Variants in AP3B2 observed in about 807,000 individuals in gnomAD.
The protein encoded by AP3B2 is AP-3 complex subunit beta-2.
A neutral mutation model predicts 126.9 loss-of-function variants in AP3B2; 50 were observed. That is an observed-to-expected ratio of 0.39 (90% CI 0.31 to 0.50). The LOEUF is 0.50. Among genes scored for constraint, AP3B2 ranks in the 20% least tolerant of loss-of-function variants. The pLI, the probability that AP3B2 is intolerant of heterozygous loss-of-function variation, is 0.79. For synonymous variants in AP3B2, 541 were observed against 565.0 expected (o/e 0.96, Z 0.60); for missense variants, 1,177 against 1,426.4 (o/e 0.83, Z 2.82).
Position 82,680,069 on chromosome 15 carries a change from C to T in AP3B2, c.1110+106G>A, listed in dbSNP as rs996994666. 8.9e-6 allele frequency: 13 copies of T among 1,466,332 alleles called. No homozygotes were observed. Among genetic ancestry groups the T allele is most frequent in the Non-Finnish European group, 1.2e-5 (13 of 1,074,358 alleles). 90.8% of individuals were successfully genotyped at this position (1,466,332 alleles called of 1,614,324 possible). The stretch of plus-strand genomic sequence containing the variant: ...CCATCCTCTGCACAGCCAGGGTATT[C>T]CTCCATCTTCCCTTTCCCCGGCCCC... On this transcript the variant is annotated intron_variant, in intron 9 of 26. Transcript: ENST00000535359. This position sits in a 1 kb window ranked among gnomAD's most constrained non-coding sequence, Gnocchi z 6.1.
rs2047996742 is a variant in AP3B2, at chr15:82,663,638, G to A, written c.2437-18C>T. The A allele has an allele frequency of 6.2e-7, 1 of 1,613,870 alleles. No homozygotes were observed. Among genetic ancestry groups the A allele is most frequent in the African/African-American group, 1.3e-5 (1 of 75,056 alleles). On this transcript the variant is annotated intron_variant, in intron 20 of 26. Coordinates refer to ENST00000535359, the MANE Select transcript of AP3B2 (RefSeq NM_001278512.2). ...CTGGGAGGCTGAAAGAGAAAAATGGGATGTGGGTGTGGGGAAGGGGAGCAC... is the reference window on the plus strand; with the variant it reads ...CTGGGAGGCTGAAAGAGAAAAATGGAATGTGGGTGTGGGGAAGGGGAGCAC...
chr15:82,693,918 C>T (rs756675959), intron 1 of AP3B2, among the ~76,000 whole-genome samples: 4 of 152,124 alleles, frequency 2.6e-5, no homozygotes. Context: ...TCAGGCTGGT[C>T]TCAAACTCCC....
Position 82,681,734 on chromosome 15 carries a change from C to G in AP3B2, c.361-154G>C. ...TGGATGGTGTGCCAGTGATGGGTATCTGGGGGACACTTAATTTTGGCTCTG... is the reference window on the plus strand; with the variant it reads ...TGGATGGTGTGCCAGTGATGGGTATGTGGGGGACACTTAATTTTGGCTCTG... On this transcript the variant is annotated intron_variant, in intron 4 of 26. Coordinates refer to ENST00000535359, the MANE Select transcript of AP3B2 (RefSeq NM_001278512.2). This position sits in a 1 kb window ranked among gnomAD's most constrained non-coding sequence, Gnocchi z 4.0. 2.5e-6 allele frequency: 2 copies of G among 796,116 alleles called. No homozygotes were observed. Among genetic ancestry groups the G allele is most frequent in the Non-Finnish European group, 3.9e-6 (2 of 516,450 alleles). 49.3% of individuals were successfully genotyped at this position (796,116 alleles called of 1,614,324 possible). A position where few individuals can be genotyped will look rare whatever the true frequency, so the allele number is the denominator to read the frequency against.
At chr15:82,674,734 T>C (rs968445284) in intron 14 of AP3B2, among the ~76,000 whole-genome samples, 6 of 152,154 alleles carry the variant, frequency 3.9e-5, no homozygotes, top group African/African-American at 1.4e-4. Flanking sequence ...CAGTAACAAC[T>C]TGGGGGAAAT....
In AP3B2 at chr15:82,659,522, G is replaced by C; in HGVS notation, c.*38C>G. On this transcript the variant is annotated 3_prime_UTR_variant, in exon 27 of 27. Coordinates refer to ENST00000535359, the MANE Select transcript of AP3B2 (RefSeq NM_001278512.2). ...CTGACAGCCTAGGTGTCATGGGGAG[G>C]TATAGATGGGAGCCAAACAGGTCAC... The C allele has an allele frequency of 6.2e-7, 1 of 1,609,166 alleles. No homozygotes were observed. Among genetic ancestry groups the C allele is most frequent in the Non-Finnish European group, 8.5e-7 (1 of 1,176,980 alleles).
In AP3B2 at chr15:82,680,107, G is replaced by A. The variant is rs981347188; in HGVS notation, c.1110+68C>T. ...TTTCCCCGGCCCCGGTCCCAGCCCC[G>A]ACAACGCCTCCAGTGCCCGCAGAAG... is the stretch of plus-strand genomic sequence containing the variant. On this transcript the variant is annotated intron_variant, in intron 9 of 26. Transcript: ENST00000535359. This position sits in a 1 kb window ranked among gnomAD's most constrained non-coding sequence, Gnocchi z 6.1. 1.9e-6 allele frequency: 3 copies of A among 1,598,048 alleles called. No homozygotes were observed. Among genetic ancestry groups the A allele is most frequent in the African/African-American group, 1.3e-5 (1 of 74,780 alleles).
At chr15:82,663,357 G>T (rs2047990535) in intron 21 of AP3B2, 124 bp from the exon 22 acceptor site, 9 of 998,440 alleles carry the variant, frequency 9.0e-6, no homozygotes, top group Non-Finnish European at 1.1e-5. Flanking sequence ...CTGCCTGGAG[G>T]CTCTCGCAAA....
At chr15:82,674,910 T>C (rs940842795) in intron 14 of AP3B2, among the ~76,000 whole-genome samples, 1 of 152,062 alleles carries the variant, frequency 6.6e-6, no homozygotes, top group Non-Finnish European at 1.5e-5. Flanking sequence ...AAATGACATG[T>C]GGACAGGCCC....
In AP3B2 at chr15:82,659,449, A is replaced by C; in HGVS notation, c.*111T>G. ...AGGGAGAGAGGACACCCTGAATGCT[A>C]TCTGGCATGAGGAGGATGATGAGAG... is the stretch of plus-strand genomic sequence containing the variant. On this transcript the variant is annotated 3_prime_UTR_variant, in exon 27 of 27. Transcript: ENST00000535359. 2 of 1,424,210 alleles carry C rather than the reference A, an allele frequency of 1.4e-6. No homozygotes were observed. The highest frequency in any genetic ancestry group is 9.6e-7 in the Non-Finnish European group (1 of 1,038,870). The allele number at this position is 1,424,210 out of a possible 1,614,324, so 88.2% of individuals were successfully genotyped here.
At chr15:82,704,687 C>CT (rs1040535452) in intron 1 of AP3B2, among the ~76,000 whole-genome samples, 1 of 152,274 alleles carries the variant, frequency 6.6e-6, no homozygotes, top group Non-Finnish European at 1.5e-5. Context: ...GGCTGCCTGA[C>CT]TGACTCCTTC....
intron 11 of AP3B2, 86 bp downstream of exon 11, chr15:82,678,019 G>A (rs548744774): frequency 3.4e-6 from 5 of 1,486,028 alleles, no homozygotes; most frequent in Non-Finnish European, 4.6e-6. Flanking sequence ...CCAGCCTTGG[G>A]CTCATAAGAG....
Position 82,664,752 on chromosome 15 carries a change from C to A in AP3B2, c.2137+83G>T. On this transcript the variant is annotated intron_variant, in intron 18 of 26. Coordinates refer to ENST00000535359, the MANE Select transcript of AP3B2 (RefSeq NM_001278512.2). This position sits in a 1 kb window ranked among gnomAD's most constrained non-coding sequence, Gnocchi z 4.5. ...CAGGTGCACACCCCTAGACACACAA[C>A]CATATACATATACCCCTCATATAGT... The A allele has an allele frequency of 8.7e-7, 1 of 1,147,384 alleles. No homozygotes were observed. Among genetic ancestry groups the A allele is most frequent in the South Asian group, 1.4e-5 (1 of 69,638 alleles). 71.1% of individuals were successfully genotyped at this position (1,147,384 alleles called of 1,614,324 possible). A position where few individuals can be genotyped will look rare whatever the true frequency, so the allele number is the denominator to read the frequency against.
chr15:82,671,254 C>T (rs1367983605), intron 14 of AP3B2, among the ~76,000 whole-genome samples: 1 of 152,034 alleles, frequency 6.6e-6, no homozygotes, highest in African/African-American at 2.4e-5. Context: ...CTGCACACTC[C>T]AGCCTGGGTG....
chr15:82,676,020 C>A (rs945373111), intron 14 of AP3B2, among the ~76,000 whole-genome samples: 3 of 152,134 alleles, frequency 2.0e-5, no homozygotes, highest in African/African-American at 7.2e-5. Flanking sequence ...ACCAGCACCA[C>A]CCAAGCCCAA....
chr15:82,666,647 C>T, intron 15 of AP3B2, 100 bp downstream of exon 15: 2 of 1,348,758 alleles, frequency 1.5e-6, no homozygotes, highest in Non-Finnish European at 1.0e-6. Context: ...TCCACAGAAG[C>T]CTGGTGCCTG....
At chr15:82,694,704 G>T (rs1218254739) in intron 1 of AP3B2, among the ~76,000 whole-genome samples, 1 of 150,990 alleles carries the variant, frequency 6.6e-6, no homozygotes, top group African/African-American at 2.4e-5. Flanking sequence ...AAAAAAACAA[G>T]AAGTACTACA....
rs933491747 is a variant in AP3B2, at chr15:82,690,980, A to G, written c.114-1527T>C. Among the ~76,000 whole-genome samples the G allele has an allele frequency of 5.3e-5, 8 of 152,178 alleles. No homozygotes were observed. The East Asian group carries it at 1.5e-3, about 29-fold the overall frequency. The stretch of plus-strand genomic sequence containing the variant: ...CAGGCATGAGCCACCGCACCCAGCC[A>G]TGCCACATGTTCTTAATCCAGTCTA... On this transcript the variant is annotated intron_variant, in intron 1 of 26. Coordinates refer to ENST00000535359, the MANE Select transcript of AP3B2 (RefSeq NM_001278512.2).
intron 4 of AP3B2, among the ~76,000 whole-genome samples, chr15:82,682,010 C>T (rs2048347290): frequency 6.6e-6 from 1 of 150,430 alleles, no homozygotes; most frequent in Non-Finnish European, 1.5e-5. Flanking sequence ...GCTGTTCTTC[C>T]ACAGTGTTTA....
chr15:82,688,643 C>T (rs976893300), intron 4 of AP3B2, 93 bp downstream of exon 4: 1 of 1,214,796 alleles, frequency 8.2e-7, no homozygotes, highest in Non-Finnish European at 1.2e-6. Flanking sequence ...TCTGCAGAGC[C>T]CGCTCCCATG....
Sources: allele counts gnomAD v4.1 joint callset (sites outside exome capture counted in the v4.1 genomes callset), GRCh38; gene constraint gnomAD v4.1.1; non-coding constraint Gnocchi (gnomAD v3.1); transcripts MANE v1.5; gene names NCBI Gene and HGNC (gene_info 2026-07-23, HGNC 2026-07-21).